The following CCSER1 variants were observed in gnomAD, a reference collection of about 807,000 sequenced individuals.
The protein encoded by CCSER1 is serine-rich coiled-coil domain-containing protein 1.
A neutral mutation model predicts 82.0 loss-of-function variants in CCSER1; 41 were observed. The observed-to-expected ratio is 0.50, with a 90% confidence interval of 0.39 to 0.65. The LOEUF is 0.65. Among genes scored for constraint, CCSER1 ranks in the 30% least tolerant of loss-of-function variants. CCSER1 has a pLI of 0.00. For synonymous variants in CCSER1, 414 were observed against 383.9 expected (o/e 1.08, Z -0.92); for missense variants, 1,119 against 1,064.2 (o/e 1.05, Z -0.72).
At chr4:91,003,802 C>A (rs1738260203) in intron 9 of CCSER1, among the ~76,000 whole-genome samples, 1 of 152,178 alleles carries the variant, frequency 6.6e-6, no homozygotes, top group African/African-American at 2.4e-5. Context: ...CTTCTGTGGC[C>A]TTTTCCCAGT....
chr4:90,858,481 C>G (rs1030905711), intron 8 of CCSER1, among the ~76,000 whole-genome samples: 1 of 151,886 alleles, frequency 6.6e-6, no homozygotes, highest in African/African-American at 2.4e-5. Flanking sequence ...TAAACCTTTT[C>G]TATTTGTTTT....
intron 9 of CCSER1, among the ~76,000 whole-genome samples, chr4:91,068,146 C>G (rs983179536): frequency 1.3e-5 from 2 of 152,118 alleles, no homozygotes; most frequent in Non-Finnish European, 2.9e-5. Flanking sequence ...AAAATATACT[C>G]AATTAGTTAT....
At chr4:90,711,327 T>C (rs541640614) in intron 6 of CCSER1, among the ~76,000 whole-genome samples, 8 of 152,254 alleles carry the variant, frequency 5.3e-5, no homozygotes, top group African/African-American at 1.9e-4. Flanking sequence ...TTTATATCTT[T>C]CTCTTGCCTG....
intron 5 of CCSER1, among the ~76,000 whole-genome samples, chr4:90,580,544 G>T (rs1321192318): frequency 6.6e-6 from 1 of 152,240 alleles, no homozygotes; most frequent in African/African-American, 2.4e-5. Flanking sequence ...AACCAGTATT[G>T]TGGCTTAAGG....
At chr4:91,177,025 TGAAGGGCTGTTGAATTTTGTC>T in intron 10 of CCSER1, among the ~76,000 whole-genome samples, 1 of 152,342 alleles carries the variant, frequency 6.6e-6, no homozygotes, top group African/African-American at 2.4e-5. Flanking sequence ...GTTTTTAGCA[TGAAGGGCTGTTGAATTTTGTC>T]GAAGGCCTTT....
rs371833576 is a variant in CCSER1 at position 90,771,324 on chromosome 4, T to G, written c.2011-44438T>G. 3.9e-5 allele frequency among the ~76,000 whole-genome samples: 6 copies of G among 151,972 alleles called. No individual in the cohort carries two copies. The South Asian group carries it at 1.2e-3, about 31-fold the overall frequency. ...AGATTGTTAGTTTGATTTATTGGAT[T>G]TATTCGATAATTATCTTTTTTTAGA... On this transcript the variant is annotated intron_variant, in intron 7 of 10. Transcript: ENST00000509176.
intron 10 of CCSER1, among the ~76,000 whole-genome samples, chr4:91,270,071 G>T (rs1197122588): frequency 6.6e-6 from 1 of 152,168 alleles, no homozygotes; most frequent in East Asian, 1.9e-4. Flanking sequence ...GATTACACCA[G>T]CTCCAGATGT....
intron 10 of CCSER1, among the ~76,000 whole-genome samples, chr4:91,354,637 T>C (rs756867278): frequency 6.6e-6 from 1 of 152,244 alleles, no homozygotes; most frequent in Non-Finnish European, 1.5e-5. Flanking sequence ...TCTTTAGCTA[T>C]GCAATACTGT....
chr4:90,434,453 G>A (rs28485561), intron 4 of CCSER1, among the ~76,000 whole-genome samples: 1,584 of 152,036 alleles, frequency 0.01, 21 homozygotes, highest in African/African-American at 0.036. Flanking sequence ...CTCACATGGT[G>A]GTAAAATTTA....
intron 10 of CCSER1, among the ~76,000 whole-genome samples, chr4:91,346,292 G>T (rs1406666531): frequency 6.6e-6 from 1 of 152,178 alleles, no homozygotes; most frequent in Non-Finnish European, 1.5e-5. Context: ...TGGGATTACA[G>T]GTGTGAGCCA....
intron 9 of CCSER1, among the ~76,000 whole-genome samples, chr4:91,084,552 A>G (rs1723161032): frequency 6.6e-6 from 1 of 152,178 alleles, no homozygotes; most frequent in Non-Finnish European, 1.5e-5. Context: ...ACTATCTCCC[A>G]GATGCAAAAA....
At chr4:90,778,705 A>T (rs1444504595) in intron 7 of CCSER1, among the ~76,000 whole-genome samples, 1 of 152,104 alleles carries the variant, frequency 6.6e-6, no homozygotes, top group Non-Finnish European at 1.5e-5. Flanking sequence ...TACCATGTTT[A>T]AACTAGAAGG....
chr4:90,179,395 T>A (rs996919361), intron 1 of CCSER1, among the ~76,000 whole-genome samples: 9 of 152,324 alleles, frequency 5.9e-5, no homozygotes, highest in Middle Eastern at 3.4e-3. Context: ...AATTTTTTTT[T>A]AATTTATTTT....
At chr4:91,423,017 A>G (rs1753765546) in intron 10 of CCSER1, among the ~76,000 whole-genome samples, 1 of 152,202 alleles carries the variant, frequency 6.6e-6, no homozygotes, top group Non-Finnish European at 1.5e-5. Flanking sequence ...ACATAATTCT[A>G]CTAATGAGTT....
chr4:91,210,401 C>T (rs963888313), intron 10 of CCSER1, among the ~76,000 whole-genome samples: 6 of 150,550 alleles, frequency 4.0e-5, no homozygotes, highest in African/African-American at 1.2e-4. Context: ...AAGTATCTCC[C>T]AATAAAATAC....
At chr4:90,851,092 A>G (rs759218184) in intron 8 of CCSER1, among the ~76,000 whole-genome samples, 1 of 152,204 alleles carries the variant, frequency 6.6e-6, no homozygotes, top group Non-Finnish European at 1.5e-5. Context: ...TGCCCTGTGA[A>G]GAGGTGCCTT....
intron 10 of CCSER1, among the ~76,000 whole-genome samples, chr4:91,261,266 T>TG (rs1160221101): frequency 6.6e-6 from 1 of 152,232 alleles, no homozygotes; most frequent in Non-Finnish European, 1.5e-5. Context: ...TCATCCCCAG[T>TG]GGTGACTCAG....
chr4:90,267,905 A>G (rs928259034), intron 1 of CCSER1, among the ~76,000 whole-genome samples: 1 of 152,194 alleles, frequency 6.6e-6, no homozygotes, highest in Admixed American at 6.5e-5. Flanking sequence ...TTGCAAGGGA[A>G]TAGAAACAAA....
At position 91,072,073 on chromosome 4, in the gene CCSER1, G is replaced by A. The variant is rs990879143; in HGVS notation, c.2173-13877G>A. Among the ~76,000 whole-genome samples, 8 of 152,068 alleles carry A rather than the reference G, an allele frequency of 5.3e-5. No individual in the cohort carries two copies. The East Asian group carries it at 1.4e-3, about 26-fold the overall frequency. On this transcript the variant is annotated intron_variant, in intron 9 of 10. Transcript: ENST00000509176. The stretch of plus-strand genomic sequence containing the variant: ...ACATGCTATAAGTAATCTAGTTTCA[G>A]GATAAACTCTACTGTATGAAACCTC...
Sources: gnomAD v4.1 joint callset for allele counts (sites outside exome capture counted in the v4.1 genomes callset) on GRCh38, gnomAD v4.1.1 for gene constraint, MANE v1.5 for transcripts, NCBI Gene and HGNC (gene_info 2026-07-23, HGNC 2026-07-21) for gene names.